The following DPP10 variants were observed in gnomAD, a reference collection of about 807,000 sequenced individuals.
The protein encoded by DPP10 is inactive dipeptidyl peptidase 10.
Under a neutral mutation model 120.9 loss-of-function variants are expected in DPP10, and 33 were observed. That is an observed-to-expected ratio of 0.27 (90% CI 0.21 to 0.37). The LOEUF (loss-of-function observed/expected upper bound fraction) is 0.37. Ranked by LOEUF, DPP10 falls within the 10% of genes least tolerant of loss-of-function variation. The probability of loss-of-function intolerance (pLI) is 1.00; values close to 1 mark genes in which losing one functional copy is unlikely to be tolerated. For missense variants in DPP10, 816 were observed against 942.8 expected (o/e 0.87, Z 1.76); for synonymous variants, 337 against 326.1 (o/e 1.03, Z -0.36).
chr2:115,269,375 C>T (rs1219822397), intron 1 of DPP10, among the ~76,000 whole-genome samples: 2 of 152,148 alleles, frequency 1.3e-5, no homozygotes, highest in Admixed American at 1.3e-4. Flanking sequence ...GACTTTCTGG[C>T]TTAAAACTAC....
At chr2:114,542,413 A>G (rs1001158056) in intron 1 of DPP10, among the ~76,000 whole-genome samples, 1 of 152,136 alleles carries the variant, frequency 6.6e-6, no homozygotes, top group Admixed American at 6.5e-5. Flanking sequence ...AGTTCTCCCC[A>G]CATGCTTTCC....
chr2:115,114,576 T>C (rs990888537), intron 1 of DPP10, among the ~76,000 whole-genome samples: 1 of 152,206 alleles, frequency 6.6e-6, no homozygotes, highest in Non-Finnish European at 1.5e-5. Flanking sequence ...ACCCCACTTT[T>C]ACCGCTCCTC....
chr2:114,644,232 G>A (rs893994835), intron 1 of DPP10, among the ~76,000 whole-genome samples: 3 of 150,826 alleles, frequency 2.0e-5, no homozygotes, highest in South Asian at 2.1e-4. Flanking sequence ...GTGAGCCAGC[G>A]CGCCTGGCTT....
intron 3 of DPP10, among the ~76,000 whole-genome samples, chr2:115,389,219 A>G (rs544871133): frequency 6.6e-6 from 1 of 152,130 alleles, no homozygotes; most frequent in South Asian, 2.1e-4. Context: ...CACAGCTGCA[A>G]CATTCCCTCT....
chr2:114,710,354 C>T (rs920364919), intron 1 of DPP10, among the ~76,000 whole-genome samples: 1 of 152,198 alleles, frequency 6.6e-6, no homozygotes, highest in African/African-American at 2.4e-5. Context: ...CAATAAGTTG[C>T]TTGCTTTTAA....
intron 3 of DPP10, among the ~76,000 whole-genome samples, chr2:115,427,691 G>A (rs1470866516): frequency 6.6e-6 from 1 of 152,134 alleles, no homozygotes; most frequent in Non-Finnish European, 1.5e-5. Context: ...ATGCCTTGGA[G>A]GCCTTTTTCT....
chr2:115,035,648 C>T (rs1949054), intron 1 of DPP10, among the ~76,000 whole-genome samples: 58,356 of 152,054 alleles, frequency 0.38, 11,414 homozygotes, highest in South Asian at 0.52. Flanking sequence ...CACTTCATTC[C>T]TCACATCCTT....
intron 1 of DPP10, chr2:115,064,652 T>C: frequency 1.6e-6 from 2 of 1,285,230 alleles, no homozygotes; most frequent in East Asian, 1.1e-4. Context: ...AGCAAAGTGT[T>C]GAGAACTGGA....
At position 115,276,743 on chromosome 2, in the gene DPP10, A is replaced by C. The variant is rs192275447; in HGVS notation, c.61-32496A>C. Among the ~76,000 whole-genome samples the C allele has an allele frequency of 2.6e-4, 40 of 152,352 alleles. No individual in the cohort carries two copies. In the East Asian group the frequency reaches 6.4e-3, roughly 24 times the overall value. On this transcript the variant is annotated intron_variant, in intron 1 of 25. Transcript: ENST00000410059. ...GGCAAGTATGAGAGATTTTGGCAAG[A>C]TCATCTTTTTTTAGAGACACATTTA...
chr2:114,786,814 C>T (rs1175183920), intron 1 of DPP10, among the ~76,000 whole-genome samples: 2 of 152,174 alleles, frequency 1.3e-5, no homozygotes. Context: ...CCACCTGGGC[C>T]AGCGCTGGCT....
rs147830500 is a variant in DPP10 at position 114,993,745 on chromosome 2, G to A, written c.61-315494G>A. 8.1e-4 allele frequency among the ~76,000 whole-genome samples: 123 copies of A among 151,766 alleles called. 1 individual carries two copies. The East Asian group carries it at 0.022, about 27-fold the overall frequency. The stretch of plus-strand genomic sequence containing the variant: ...CCTTTATTTTACTCATAGGTTGTAC[G>A]ACTATGTGCCCATGTGCATGTATGT... On this transcript the variant is annotated intron_variant, in intron 1 of 25. Transcript: ENST00000410059.
intron 1 of DPP10, among the ~76,000 whole-genome samples, chr2:114,961,152 A>G (rs1239724459): frequency 7.1e-6 from 1 of 140,290 alleles, no homozygotes; most frequent in Non-Finnish European, 1.5e-5. Flanking sequence ...CCCGGGTTCA[A>G]GCAGCAATTC....
chr2:115,310,125 T>C (rs189634985), intron 2 of DPP10, among the ~76,000 whole-genome samples: 1 of 152,218 alleles, frequency 6.6e-6, no homozygotes, highest in Admixed American at 6.6e-5. Flanking sequence ...ACTGTTTTTC[T>C]CAAAGACCAA....
intron 5 of DPP10, among the ~76,000 whole-genome samples, chr2:115,628,750 C>T (rs2085579399): frequency 6.6e-6 from 1 of 151,810 alleles, no homozygotes; most frequent in African/African-American, 2.4e-5. Context: ...GCCAGTTCTC[C>T]CAGCACCATT....
intron 1 of DPP10, among the ~76,000 whole-genome samples, chr2:114,926,967 C>T (rs757526798): frequency 1.4e-4 from 21 of 151,292 alleles, no homozygotes; most frequent in Non-Finnish European, 2.4e-4. Context: ...TCTTCTGCCT[C>T]AGCCTCCCGA....
chr2:114,777,844 TAC>T (rs1466750459), intron 1 of DPP10, among the ~76,000 whole-genome samples: 1 of 152,104 alleles, frequency 6.6e-6, no homozygotes, highest in Non-Finnish European at 1.5e-5. Flanking sequence ...TCTATGAAGT[TAC>T]ATAGTCAAAG....
At chr2:115,460,163 C>A (rs936832374) in intron 3 of DPP10, among the ~76,000 whole-genome samples, 1 of 151,960 alleles carries the variant, frequency 6.6e-6, no homozygotes, top group African/African-American at 2.4e-5. Flanking sequence ...TTTATAGGTA[C>A]TTTCTAGTGA....
chr2:115,003,030 C>T (rs2175174), intron 1 of DPP10, among the ~76,000 whole-genome samples: 150,665 of 152,124 alleles, frequency 0.99, 74,637 homozygotes, highest in Middle Eastern at 1. Context: ...CAAAGGACTA[C>T]ATATTGTTTT....
At chr2:115,293,052 C>T (rs1420973131) in intron 1 of DPP10, among the ~76,000 whole-genome samples, 1 of 151,996 alleles carries the variant, frequency 6.6e-6, no homozygotes, top group East Asian at 1.9e-4. Context: ...TTTATAAGCA[C>T]ATTAAATGGT....
Sources: gnomAD v4.1 joint callset for allele counts (sites outside exome capture counted in the v4.1 genomes callset) on GRCh38, gnomAD v4.1.1 for gene constraint, MANE v1.5 for transcripts, NCBI Gene and HGNC (gene_info 2026-07-23, HGNC 2026-07-21) for gene names.